The following CFAP65 variants were observed in gnomAD, a reference collection of about 807,000 sequenced individuals.
CFAP65 encodes the protein cilia- and flagella-associated protein 65.
In CFAP65, 155 loss-of-function variants were observed where a neutral mutation model predicts 208.0. The observed-to-expected ratio is 0.75, with a 90% CI of 0.65 to 0.85. The LOEUF (loss-of-function observed/expected upper bound fraction) is 0.85. CFAP65 is among the 40% of genes least tolerant of loss of function. CFAP65 has a pLI of 0.00. For missense variants in CFAP65, 2,294 were observed against 2,451.3 expected (o/e 0.94, Z 1.36); for synonymous variants, 970 against 986.3 (o/e 0.98, Z 0.31).
chr2:219,021,700 T>C, intron 18 of CFAP65, 80 bp downstream of exon 18: 2 of 1,498,806 alleles, frequency 1.3e-6, no homozygotes, highest in Non-Finnish European at 9.1e-7. Context: ...CGCGTGCCAG[T>C]GTGCCCAGCA....
At chr2:219,020,565 A>C (rs765113406) in intron 19 of CFAP65, among the ~76,000 whole-genome samples, 8 of 148,910 alleles carry the variant, frequency 5.4e-5, no homozygotes, top group Non-Finnish European at 1.2e-4. Flanking sequence ...ATTTTTGTAG[A>C]GATGGGGTCT....
intron 15 of CFAP65, 45 bp from the exon 16 acceptor site, chr2:219,023,476 G>C (rs1947409421): frequency 7.3e-7 from 1 of 1,371,918 alleles, no homozygotes; most frequent in Non-Finnish European, 1.0e-6. Flanking sequence ...TCACTCTGCA[G>C]TCCCAGCCCC....
intron 30 of CFAP65, 98 bp downstream of exon 30, chr2:219,006,367 T>A (rs926619159): frequency 9.2e-6 from 14 of 1,526,964 alleles, no homozygotes; most frequent in Non-Finnish European, 9.1e-6. Flanking sequence ...ATCCCTCCTT[T>A]CTGGGAGTCT....
intron 21 of CFAP65, among the ~76,000 whole-genome samples, chr2:219,017,654 C>T (rs1354579722): frequency 1.3e-5 from 2 of 152,262 alleles, no homozygotes. Context: ...CTGGGTTTCC[C>T]CCGCCTCTGT....
Position 219,028,230 on chromosome 2 carries a change from G to C in CFAP65, c.1822C>G (p.Gln608Glu). ...MLKEKKLAQD[Q>E]NGALMIPIQD... ...ATGGGAATCATGAGAGCCCCGTTCT[G>C]GTCCTGTGCCAGCTTCTTCTCCTTC... The change falls in exon 12 of 35, where the codon CAG (glutamine) becomes GAG (glutamate). Residue 608 changes from glutamine to glutamate, a missense_variant. Gln to Glu is a conservative substitution (Grantham distance 29). Transcript: ENST00000341552. The C allele has an allele frequency of 6.2e-7, 1 of 1,614,112 alleles. No homozygotes were observed. Among genetic ancestry groups the C allele is most frequent in the Non-Finnish European group, 8.5e-7 (1 of 1,179,986 alleles).
intron 11 of CFAP65, among the ~76,000 whole-genome samples, chr2:219,029,116 A>G (rs541115852): frequency 6.6e-6 from 1 of 152,294 alleles, no homozygotes; most frequent in African/African-American, 2.4e-5. Flanking sequence ...GCTCAGCGGG[A>G]GGGTGGGAGG....
At chr2:219,007,170 T>C (rs974924797) in intron 29 of CFAP65, among the ~76,000 whole-genome samples, 1 of 143,670 alleles carries the variant, frequency 7.0e-6, no homozygotes, top group Non-Finnish European at 1.5e-5. Context: ...TTTTGTTTGT[T>C]TTTTTTTCTT....
intron 19 of CFAP65, 133 bp from the exon 20 acceptor site, chr2:219,019,852 G>C: frequency 3.0e-6 from 2 of 658,880 alleles, no homozygotes; most frequent in Non-Finnish European, 2.7e-6. Flanking sequence ...GACCCCTCTC[G>C]GGCTCTAGGG....
chr2:219,038,526 G>A lies in CFAP65; in HGVS notation c.206C>T (p.Thr69Ile). 1 of 1,614,198 alleles carries A rather than the reference G, an allele frequency of 6.2e-7. No individual in the cohort carries two copies. Among genetic ancestry groups the A allele is most frequent in the South Asian group, 1.1e-5 (1 of 91,074 alleles). The change falls in exon 4 of 35, where the codon ACC becomes ATC. Residue 69 changes from threonine (T) to isoleucine (I), a missense_variant. Thr to Ile is a moderately conservative substitution (Grantham distance 89). Coordinates refer to ENST00000341552, the MANE Select transcript of CFAP65 (RefSeq NM_194302.4). ...FGLCPKDMML[T>I]QAPSSVVRSR... ...CCTCACGACGGAGCTTGGAGCCTGG[G>A]TGAGCATCATGTCCTTGGGACACAG...
At position 219,030,037 on chromosome 2, in the gene CFAP65, G is replaced by C. The variant is rs773624302; in HGVS notation, c.1333C>G (p.Pro445Ala). Residue 445 changes from proline to alanine, a missense_variant, in exon 10 of 35, where the codon CCT becomes GCT. By Grantham distance (27) the Pro-to-Ala change is conservative (BLOSUM62 -1). Transcript: ENST00000341552. ...TRTVDYCSIMPSGCASKTLLK... is the reference protein window; with the variant it reads ...TRTVDYCSIMASGCASKTLLK... ...AGGGTCTTGGAGGCACAGCCAGAAG[G>C]CATGATGGAGCAGTAGTCCACAGTT... The C allele has an allele frequency of 1.1e-5, 18 of 1,614,088 alleles. No individual in the cohort carries two copies. Among genetic ancestry groups the C allele is most frequent in the African/African-American group, 9.3e-5 (7 of 75,000 alleles).
rs145735301 is a variant in CFAP65, at chr2:219,027,944, G to A, written c.1917C>T (p.Asp639=). 3.3e-5 allele frequency: 50 copies of A among 1,520,516 alleles called. No individual in the cohort carries two copies. Among genetic ancestry groups the A allele is most frequent in the African/African-American group, 1.1e-4 (8 of 71,878 alleles). The allele number at this position is 1,520,516 out of a possible 1,614,324, so 94.2% of individuals were successfully genotyped here. ...YIPPMTEFFF[D]GTSDITIFPP... ...GGAAGATGGTTATGTCGCTGGTGCC[G>A]TCGAAGAAGAACTCGGTCATGGGGG... The change falls in exon 13 of 35, where the codon GAC becomes GAT. Residue 639 remains aspartate (D), a synonymous_variant. Transcript: ENST00000341552.
chr2:219,010,858 T>A lies in CFAP65; in HGVS notation c.4096A>T (p.Ser1366Cys). The A allele has an allele frequency of 6.2e-7, 1 of 1,613,586 alleles. No individual in the cohort carries two copies. The highest frequency in any genetic ancestry group is 1.6e-4 in the Middle Eastern group (1 of 6,062). The change falls in exon 25 of 35, where the codon AGC becomes TGC. Residue 1366 changes from serine (S) to cysteine (C), a missense_variant. Physicochemically the swap from Ser to Cys is moderately radical, Grantham distance 112. Around this residue, in one of 2 missense-constraint regions of CFAP65, gnomAD observed 1,427 missense variants for 1,438.7 expected, o/e 0.99. Transcript: ENST00000341552. The part of the protein sequence containing the change: ...LNPKGEIQPG[S>C]TARVLWIFSP... ...AAGATCCACAAGACCCGGGCAGTGCTGCCTGGCTGGATCTCCCCTTTGGGG... is the reference window on the plus strand; with the variant it reads ...AAGATCCACAAGACCCGGGCAGTGCAGCCTGGCTGGATCTCCCCTTTGGGG...
intron 29 of CFAP65, among the ~76,000 whole-genome samples, chr2:219,007,055 A>G (rs1574517730): frequency 6.6e-6 from 1 of 152,218 alleles, no homozygotes; most frequent in East Asian, 1.9e-4. Flanking sequence ...CGTGCCCTGG[A>G]GCTTTGTGGT....
chr2:219,005,751 TAGAG>T (rs1220733437), intron 31 of CFAP65, among the ~76,000 whole-genome samples, 189 bp from the exon 32 acceptor site: 2 of 152,086 alleles, frequency 1.3e-5, no homozygotes, highest in African/African-American at 4.8e-5. Context: ...GCACGGGAGC[TAGAG>T]AGACTCCCAG....
chr2:219,040,391 A>G, intron 2 of CFAP65, 128 bp downstream of exon 2: 2 of 680,830 alleles, frequency 2.9e-6, no homozygotes, highest in East Asian at 2.7e-5. Context: ...TGGTTTTCCT[A>G]GTTGGCAACA....
At position 219,004,951 on chromosome 2, in the gene CFAP65, C is replaced by CTTTCTTTCTTTCTTTCT. The variant is rs1346686463; in HGVS notation, c.5051+482_5051+483insAGAAAGAAAGAAAGAAA. Among the ~76,000 whole-genome samples, 2 of 146,236 alleles carry CTTTCTTTCTTTCTTTCT rather than the reference C, an allele frequency of 1.4e-5. No homozygotes were observed. The highest frequency in any genetic ancestry group is 5.1e-5 in the African/African-American group (2 of 39,382). ...TCTCCTCTTTTTTCTTTCTTTCTTT[C>CTTTCTTTCTTTCTTTCT]TTTCTTTCTCTCTCTTTCTTTCTTT... On this transcript the variant is annotated intron_variant, in intron 32 of 34. Coordinates refer to ENST00000341552, the MANE Select transcript of CFAP65 (RefSeq NM_194302.4). The surrounding 1 kb of genome is among the most constrained non-coding windows in gnomAD (Gnocchi z 4.7).
rs753491427 is a variant in CFAP65, at chr2:219,023,218, T to C, written c.2809A>G (p.Asn937Asp). Residue 937 changes from asparagine to aspartate, a missense_variant, in exon 16 of 35, where the codon AAC becomes GAC. Transcript: ENST00000341552. ...GGGGAGCCACTCACAAGTCTCTCGT[T>C]GGGCTGGATTAGCCCCCTGGAGGGC... ...VQPSRGLIQP[N>D]ERLTLTWTFS... The C allele has an allele frequency of 2.5e-6, 4 of 1,611,756 alleles. No individual in the cohort carries two copies. The African/African-American group carries it at 5.3e-5, about 22-fold the overall frequency.
At chr2:219,023,760 A>G (rs1351394467) in intron 15 of CFAP65, among the ~76,000 whole-genome samples, 1 of 152,170 alleles carries the variant, frequency 6.6e-6, no homozygotes, top group African/African-American at 2.4e-5. Context: ...TGCCTCCCCC[A>G]GATCCTTCCT....
chr2:219,029,874 A>AC, intron 10 of CFAP65, 112 bp downstream of exon 10: 1 of 1,181,740 alleles, frequency 8.5e-7, no homozygotes, highest in Non-Finnish European at 1.2e-6. Flanking sequence ...GGCAGCAGAC[A>AC]CCCAGGCTGA....
Sources: allele counts gnomAD v4.1 joint callset (sites outside exome capture counted in the v4.1 genomes callset), GRCh38; gene constraint gnomAD v4.1.1; regional missense constraint gnomAD v4.1.1; non-coding constraint Gnocchi (gnomAD v3.1); transcripts MANE v1.5; gene names NCBI Gene and HGNC (gene_info 2026-07-23, HGNC 2026-07-21).